Variants in INO80E observed in about 807,000 individuals in gnomAD.
The protein encoded by INO80E is INO80 complex subunit E.
INO80E carries 20 observed loss-of-function variants against 27.3 expected under a neutral mutation model. The observed-to-expected ratio is 0.73, with a 90% confidence interval of 0.51 to 1.06. The LOEUF is 1.06. INO80E is among the 50% of genes least tolerant of loss of function. The pLI is 0.00. For synonymous variants in INO80E, 167 were observed against 145.9 expected (o/e 1.14, Z -1.04); for missense variants, 357 against 322.8 (o/e 1.11, Z -0.81).
At position 30,005,275 on chromosome 16, in the gene INO80E, C is replaced by CG; in HGVS notation, c.572dup (p.Ser192PhefsTer16). ...GGGAGGGCCGCTGACCTTCCCTGGC[C>CG]GGGGTTCTGGGGCTGGGGTCGGGAC... On this transcript the variant is annotated frameshift_variant, in exon 7 of 7. Transcript: ENST00000563197. LOFTEE classifies it high-confidence loss of function. 6.7e-7 allele frequency: 1 copy of CG among 1,486,444 alleles called. No individual in the cohort carries two copies. The highest frequency in any genetic ancestry group is 8.9e-7 in the Non-Finnish European group (1 of 1,121,458). 92.1% of individuals were successfully genotyped at this position (1,486,444 alleles called of 1,614,324 possible). A position where few individuals can be genotyped will look rare whatever the true frequency, so the allele number is the denominator to read the frequency against.
intron 6 of INO80E, among the ~76,000 whole-genome samples, chr16:30,005,008 C>T (rs1177789101): frequency 1.3e-5 from 2 of 152,156 alleles, no homozygotes; most frequent in Non-Finnish European, 2.9e-5. Context: ...CCCCCATCCC[C>T]TCATCTCACC....
chr16:29,999,063 A>G (rs1484430229), intron 3 of INO80E, among the ~76,000 whole-genome samples: 1 of 151,792 alleles, frequency 6.6e-6, no homozygotes, highest in East Asian at 1.9e-4. Flanking sequence ...AAAAAAGCAC[A>G]TTGGTCTGAG....
At position 29,996,315 on chromosome 16, in the gene INO80E, A is replaced by G. The variant is rs1413871313; in HGVS notation, c.5A>G (p.Asn2Ser). Residue 2 changes from asparagine to serine, a missense_variant, in exon 1 of 7, where the codon AAC becomes AGC. Transcript: ENST00000563197. Reference sequence around the variant, plus strand: ...GGCGCCACTCCCGGGCCGGTCATGAACGGGCCGGCGGACGGCGAAGTGGAC... The same window carrying G: ...GGCGCCACTCCCGGGCCGGTCATGAGCGGGCCGGCGGACGGCGAAGTGGAC... M[N>S]GPADGEVDYK... is the part of the protein sequence containing the mutation. The G allele has an allele frequency of 2.5e-6, 4 of 1,594,846 alleles. No individual in the cohort carries two copies. In the African/African-American group the frequency reaches 4.0e-5, roughly 16 times the overall value.
chr16:30,005,310 C>CA lies in INO80E; in HGVS notation c.603_604insA (p.Pro202ThrfsTer6). On this transcript the variant is annotated frameshift_variant, in exon 7 of 7. Transcript: ENST00000563197. LOFTEE classifies it high-confidence loss of function. ...GGGCTGGGGTCGGGACAACCCTGACCCCCCTCCCACCCCCTAAGATGCCCC... is the reference window on the plus strand; with the variant it reads ...GGGCTGGGGTCGGGACAACCCTGACCACCCCTCCCACCCCCTAAGATGCCCC... 1 of 686,202 alleles carries CA rather than the reference C, an allele frequency of 1.5e-6. No homozygotes were observed. Among genetic ancestry groups the CA allele is most frequent in the Non-Finnish European group, 2.1e-6 (1 of 470,520 alleles). 42.5% of individuals were successfully genotyped at this position (686,202 alleles called of 1,614,324 possible).
In INO80E at chr16:29,996,595, C is replaced by T. The variant is rs780402845; in HGVS notation, c.130C>T (p.Leu44=). Residue 44 remains leucine (L), a synonymous_variant, in exon 2 of 7, where the codon CTG becomes TTG. Transcript: ENST00000563197. The stretch of plus-strand genomic sequence containing the variant: ...GCTGAGGAAAGCGCAAAGGAAATTA[C>T]TGAAGGTGTCCCGGGACAAGAGGTG... ...EELRKAQRKL[L]KVSRDKSFLL... The T allele has an allele frequency of 1.9e-6, 3 of 1,578,706 alleles. No homozygotes were observed. Among genetic ancestry groups the T allele is most frequent in the African/African-American group, 2.7e-5 (2 of 74,208 alleles).
Position 30,003,718 on chromosome 16 carries a change from A to G in INO80E, c.514-1503A>G, listed in dbSNP as rs1347348885. ...CTCGGCCCGTGCCTGGCCCCTAGTA[A>G]GCCACAGAGAAATGTGAGCCGCTGC... On this transcript the variant is annotated intron_variant, in intron 6 of 6. Coordinates refer to ENST00000563197, the MANE Select transcript of INO80E (RefSeq NM_173618.3). This position sits in a 1 kb window ranked among gnomAD's most constrained non-coding sequence, Gnocchi z 4.4. 6.6e-6 allele frequency: 1 copy of G among 152,246 alleles called. No individual in the cohort carries two copies. Among genetic ancestry groups the G allele is most frequent in the Non-Finnish European group, 1.5e-5 (1 of 68,064 alleles). The allele number at this position is 152,246 out of a possible 1,614,324, so 9.4% of individuals were successfully genotyped here. A position where few individuals can be genotyped will look rare whatever the true frequency, so the allele number is the denominator to read the frequency against.
At chr16:29,996,670 T>A in intron 2 of INO80E, 53 bp downstream of exon 2, 3 of 1,583,900 alleles carry the variant, frequency 1.9e-6, no homozygotes, top group Non-Finnish European at 2.6e-6. Context: ...AAATCTACAT[T>A]CGGACCCCAT....
Position 30,003,730 on chromosome 16 carries a change from A to G in INO80E, c.514-1491A>G, listed in dbSNP as rs979415843. ...CTGGCCCCTAGTAAGCCACAGAGAA[A>G]TGTGAGCCGCTGCCAGTCAGGCTGA... On this transcript the variant is annotated intron_variant, in intron 6 of 6. Transcript: ENST00000563197. The surrounding 1 kb of genome is among the most constrained non-coding windows in gnomAD (Gnocchi z 4.4). 2.0e-5 allele frequency: 3 copies of G among 152,302 alleles called. No individual in the cohort carries two copies. Among genetic ancestry groups the G allele is most frequent in the African/African-American group, 7.2e-5 (3 of 41,438 alleles). 9.4% of individuals were successfully genotyped at this position (152,302 alleles called of 1,614,324 possible).
In INO80E at chr16:30,003,304, A is replaced by G; in HGVS notation, c.513+1774A>G. 6.6e-6 allele frequency: 1 copy of G among 152,426 alleles called. No individual in the cohort carries two copies. The highest frequency in any genetic ancestry group is 1.5e-5 in the Non-Finnish European group (1 of 68,202). 9.4% of individuals were successfully genotyped at this position (152,426 alleles called of 1,614,324 possible). ...GGCTGAAGCCATAGTGGGAAGGGAG[A>G]CAGGGCCACAGGGAAAGCACTGCCT... On this transcript the variant is annotated intron_variant, in intron 6 of 6. Transcript: ENST00000563197. This position sits in a 1 kb window ranked among gnomAD's most constrained non-coding sequence, Gnocchi z 4.4.
chr16:30,001,189 C>T, intron 5 of INO80E, 149 bp downstream of exon 5: 2 of 1,474,138 alleles, frequency 1.4e-6, no homozygotes, highest in Non-Finnish European at 9.0e-7. Flanking sequence ...TGAGTCGGGG[C>T]TGCCCCCTTC....
At chr16:30,001,641 C>T (rs1273818621) in intron 6 of INO80E, 111 bp downstream of exon 6, 3 of 1,025,682 alleles carry the variant, frequency 2.9e-6, no homozygotes, top group African/African-American at 1.6e-5. Flanking sequence ...AATTTGGGGA[C>T]CCAGTCAGCA....
At position 29,996,636 on chromosome 16, in the gene INO80E, G is replaced by T. The variant is rs755135463; in HGVS notation, c.152+19G>T. ...ACAAGAGGTGAGGCACGTTGCAGGG[G>T]CGGAGGGCGATGTGCTTCCTAGGAA... On this transcript the variant is annotated intron_variant, in intron 2 of 6. Transcript: ENST00000563197. 2.5e-6 allele frequency: 4 copies of T among 1,581,596 alleles called. No individual in the cohort carries two copies. The highest frequency in any genetic ancestry group is 3.4e-6 in the Non-Finnish European group (4 of 1,163,434).
intron 3 of INO80E, among the ~76,000 whole-genome samples, chr16:29,997,561 C>G (rs1339673810): frequency 6.6e-6 from 1 of 152,108 alleles, no homozygotes; most frequent in Non-Finnish European, 1.5e-5. Flanking sequence ...CAAGACCAGC[C>G]TGACCAACAT....
chr16:29,998,976 C>T (rs1407165313), intron 3 of INO80E, among the ~76,000 whole-genome samples: 2 of 151,066 alleles, frequency 1.3e-5, no homozygotes, highest in African/African-American at 4.9e-5. Flanking sequence ...ACCCGGGAGG[C>T]GGAGCTTGCA....
chr16:30,001,643 C>T, intron 6 of INO80E, 113 bp downstream of exon 6: 1 of 997,972 alleles, frequency 1.0e-6, no homozygotes, highest in Non-Finnish European at 1.5e-6. Context: ...TTTGGGGACC[C>T]AGTCAGCACT....
chr16:30,005,307 G>GTGC lies in INO80E; in HGVS notation c.600_601insTGC (p.Leu200_Thr201insCys). 7.2e-7 allele frequency: 1 copy of GTGC among 1,387,150 alleles called. No individual in the cohort carries two copies. Among genetic ancestry groups the GTGC allele is most frequent in the Non-Finnish European group, 9.4e-7 (1 of 1,068,422 alleles). 85.9% of individuals were successfully genotyped at this position (1,387,150 alleles called of 1,614,324 possible). Reference sequence around the variant, plus strand: ...CTGGGGCTGGGGTCGGGACAACCCTGACCCCCCTCCCACCCCCTAAGATGC... The same window carrying GTGC: ...CTGGGGCTGGGGTCGGGACAACCCTGTGCACCCCCCTCCCACCCCCTAAGATGC... On this transcript the variant is annotated inframe_insertion, in exon 7 of 7. Coordinates refer to ENST00000563197, the MANE Select transcript of INO80E (RefSeq NM_173618.3).
chr16:30,003,243 C>T lies in INO80E; in HGVS notation c.513+1713C>T, dbSNP rs11150580. ...CCAGGAAAGGCCTCAGCAAGGAGAA[C>T]GTGTAAGCCCAGGGTGAGTGGATTT... is the stretch of plus-strand genomic sequence containing the variant. On this transcript the variant is annotated intron_variant, in intron 6 of 6. Coordinates refer to ENST00000563197, the MANE Select transcript of INO80E (RefSeq NM_173618.3). This position sits in a 1 kb window ranked among gnomAD's most constrained non-coding sequence, Gnocchi z 4.4. 0.36 allele frequency: 54,891 copies of T among 151,996 alleles called. 10,914 individuals carry two copies. Among genetic ancestry groups the T allele is most frequent in the South Asian group, 0.49 (2,354 of 4,818 alleles). The allele number at this position is 151,996 out of a possible 1,614,324, so 9.4% of individuals were successfully genotyped here.
chr16:29,999,993 GGGCAGA>G (rs1567267924), intron 3 of INO80E, among the ~76,000 whole-genome samples: 1 of 152,084 alleles, frequency 6.6e-6, no homozygotes, highest in African/African-American at 2.4e-5. Flanking sequence ...ATGGGGAGTG[GGGCAGA>G]GGCAGGAGTT....
At chr16:30,004,016 A>G (rs4787491) in intron 6 of INO80E, 77,757 of 151,988 alleles carry the variant, frequency 0.51, 20,145 homozygotes, top group Non-Finnish European at 0.53. Context: ...AGATGAGGGT[A>G]AGTGAGGGCT....
Sources: allele counts gnomAD v4.1 joint callset (sites outside exome capture counted in the v4.1 genomes callset), GRCh38; gene constraint gnomAD v4.1.1; non-coding constraint Gnocchi (gnomAD v3.1); transcripts MANE v1.5; gene names NCBI Gene and HGNC (gene_info 2026-07-23, HGNC 2026-07-21).